SLC35F4: variants seen among roughly 807,000 people sequenced by gnomAD.
The protein encoded by SLC35F4 is solute carrier family 35 member F4.
In SLC35F4, 24 loss-of-function variants were observed where a neutral mutation model predicts 44.2. The ratio of observed to expected loss-of-function variants is 0.54; its 90% CI spans 0.39 to 0.76. The LOEUF is 0.76. Ranked by LOEUF, SLC35F4 falls within the 30% of genes least tolerant of loss-of-function variation. SLC35F4 has a pLI of 0.00. For synonymous variants in SLC35F4, 238 were observed against 223.6 expected, an observed-to-expected ratio of 1.06 and a Z score of -0.57; for missense variants, 562 against 586.1, an observed-to-expected ratio of 0.96 and a Z score of 0.42.
intron 1 of SLC35F4, among the ~76,000 whole-genome samples, chr14:57,763,476 T>C (rs998294799): frequency 6.6e-6 from 1 of 152,166 alleles, no homozygotes. Flanking sequence ...TTGATGTTTA[T>C]TGGTTTTGTA....
At chr14:57,927,120 T>C (rs749148536) in intron 1 of SLC35F4, among the ~76,000 whole-genome samples, 3 of 152,188 alleles carry the variant, frequency 2.0e-5, no homozygotes, top group Non-Finnish European at 2.9e-5. Context: ...TGACACTACA[T>C]GAAGGTTTGG....
At chr14:57,948,389 C>T (rs912894419) in intron 1 of SLC35F4, among the ~76,000 whole-genome samples, 3 of 152,010 alleles carry the variant, frequency 2.0e-5, no homozygotes, top group African/African-American at 7.2e-5. Context: ...TCTCCTGTTT[C>T]ATTTCTAATT....
In SLC35F4 at chr14:57,689,899, TA is replaced by T. The variant is rs926905673; in HGVS notation, c.104-95776del. ...CTTAAAGTATAATAAAAAATAAAAA[TA>T]AAAAAAAATAAAGATACAGCTCAAA... On this transcript the variant is annotated intron_variant, in intron 1 of 7. Coordinates refer to ENST00000556826, the MANE Select transcript of SLC35F4 (RefSeq NM_001306087.2). 8.5e-4 allele frequency among the ~76,000 whole-genome samples: 129 copies of T among 151,428 alleles called. 2 individuals carry two copies. The highest frequency in any genetic ancestry group is 6.1e-3 in the South Asian group (29 of 4,780).
At chr14:57,721,594 A>G (rs774811241) in intron 1 of SLC35F4, among the ~76,000 whole-genome samples, 5 of 152,224 alleles carry the variant, frequency 3.3e-5, no homozygotes, top group Non-Finnish European at 7.3e-5. Flanking sequence ...CTGCCATGAA[A>G]AGTGCATGCA....
intron 1 of SLC35F4, among the ~76,000 whole-genome samples, chr14:57,846,219 A>G (rs17093781): frequency 0.022 from 3,339 of 152,306 alleles, 138 homozygotes; most frequent in African/African-American, 0.076. Context: ...AGGGAGTAAC[A>G]TGATCAAATC....
At chr14:57,650,877 C>A (rs78087251) in intron 1 of SLC35F4, among the ~76,000 whole-genome samples, 1 of 152,084 alleles carries the variant, frequency 6.6e-6, no homozygotes, top group African/African-American at 2.4e-5. Flanking sequence ...TGTGCTGTTC[C>A]CTGTGCCTGG....
chr14:57,703,629 T>C (rs539582065), intron 1 of SLC35F4, among the ~76,000 whole-genome samples: 28 of 152,302 alleles, frequency 1.8e-4, no homozygotes, highest in Admixed American at 2.6e-4. Context: ...AGCAACCTCA[T>C]CCTTAAGCAC....
chr14:57,857,068 G>T (rs1023799579), intron 1 of SLC35F4, among the ~76,000 whole-genome samples: 5 of 152,012 alleles, frequency 3.3e-5, no homozygotes, highest in Non-Finnish European at 7.4e-5. Context: ...CTGAGGTCAG[G>T]AGTTCGAGAC....
intron 1 of SLC35F4, among the ~76,000 whole-genome samples, chr14:57,692,636 G>A (rs2075268975): frequency 6.6e-6 from 1 of 152,002 alleles, no homozygotes; most frequent in South Asian, 2.1e-4. Flanking sequence ...GCTTATTGCT[G>A]ATACGGAATT....
At chr14:57,822,321 C>G (rs1340768020) in intron 1 of SLC35F4, among the ~76,000 whole-genome samples, 4 of 152,110 alleles carry the variant, frequency 2.6e-5, no homozygotes, top group Admixed American at 2.6e-4. Context: ...GCAGTATCAC[C>G]TATGCAACAC....
At chr14:57,940,513 T>A (rs1377206995) in intron 1 of SLC35F4, among the ~76,000 whole-genome samples, 1 of 152,190 alleles carries the variant, frequency 6.6e-6, no homozygotes, top group Non-Finnish European at 1.5e-5. Flanking sequence ...TGTTCACTAA[T>A]GCTACCAGGC....
chr14:57,742,179 A>C (rs1293594203), intron 1 of SLC35F4, among the ~76,000 whole-genome samples: 1 of 152,200 alleles, frequency 6.6e-6, no homozygotes, highest in Non-Finnish European at 1.5e-5. Flanking sequence ...CGAGCAAAAT[A>C]ACCAGCTAAC....
chr14:57,834,080 A>G (rs1246491808), intron 1 of SLC35F4, among the ~76,000 whole-genome samples: 1 of 152,202 alleles, frequency 6.6e-6, no homozygotes, highest in Admixed American at 6.5e-5. Context: ...ACAAAGGCTG[A>G]CCCCAAACTC....
chr14:57,857,088 C>T (rs560447325), intron 1 of SLC35F4, among the ~76,000 whole-genome samples: 6 of 151,896 alleles, frequency 4.0e-5, no homozygotes, highest in Non-Finnish European at 7.4e-5. Flanking sequence ...CCAGCCCGGC[C>T]AACATGGTGA....
chr14:57,949,903 T>A (rs1384005097), intron 1 of SLC35F4, among the ~76,000 whole-genome samples: 1 of 152,222 alleles, frequency 6.6e-6, no homozygotes. Flanking sequence ...CAGCTGTTAG[T>A]CTGATAGGTT....
chr14:57,853,719 C>A (rs1340916544), intron 1 of SLC35F4, among the ~76,000 whole-genome samples: 2 of 152,118 alleles, frequency 1.3e-5, no homozygotes, highest in Admixed American at 1.3e-4. Flanking sequence ...ATAGAGAAAG[C>A]CAGCCTGAAG....
intron 1 of SLC35F4, among the ~76,000 whole-genome samples, chr14:57,670,901 TC>T (rs2074495170): frequency 8.5e-6 from 1 of 118,028 alleles, no homozygotes; most frequent in Admixed American, 8.6e-5. Flanking sequence ...ACTCATTCAT[TC>T]TTTTTTTTTT....
chr14:57,798,121 C>CAAAAAAA (rs60685029), intron 1 of SLC35F4, among the ~76,000 whole-genome samples: 12 of 42,076 alleles, frequency 2.9e-4, no homozygotes, highest in African/African-American at 5.4e-4. Flanking sequence ...GACCCACGAG[C>CAAAAAAA]AAAAAAAAAA....
chr14:57,755,974 C>T (rs1027157542), intron 1 of SLC35F4, among the ~76,000 whole-genome samples: 5 of 152,196 alleles, frequency 3.3e-5, no homozygotes, highest in South Asian at 4.1e-4. Flanking sequence ...ACTGCTACAA[C>T]GTGACAAATG....
Sources: allele counts gnomAD v4.1 joint callset (sites outside exome capture counted in the v4.1 genomes callset), GRCh38; gene constraint gnomAD v4.1.1; transcripts MANE v1.5; gene names NCBI Gene and HGNC (gene_info 2026-07-23, HGNC 2026-07-21).